LSM14A: variants seen among roughly 807,000 people sequenced by gnomAD.
LSM14A encodes the protein LSM14A mRNA processing body assembly factor.
Under a neutral mutation model 52.4 loss-of-function variants are expected in LSM14A, and 14 were observed. The observed-to-expected ratio is 0.27, with a 90% CI of 0.18 to 0.42. The LOEUF (loss-of-function observed/expected upper bound fraction) is 0.42. LSM14A is among the 10% of genes least tolerant of loss of function. The pLI is 1.00. For missense variants in LSM14A, 417 were observed against 581.8 expected (o/e 0.72, Z 2.91); for synonymous variants, 185 against 200.3 (o/e 0.92, Z 0.64).
At position 34,219,384 on chromosome 19, in the gene LSM14A, A is replaced by T; in HGVS notation, c.782-7A>T. On this transcript the variant is annotated splice_region_variant and splice_polypyrimidine_tract_variant and intron_variant, in intron 6 of 9. Transcript: ENST00000544216. ...ATGTCCTTTGTATATATTCTTTATT[A>T]TCATAGCTCCAGGTGCTCCTTCAGC... is the stretch of plus-strand genomic sequence containing the variant. The T allele has an allele frequency of 6.3e-7, 1 of 1,598,336 alleles. No homozygotes were observed. The highest frequency in any genetic ancestry group is 1.8e-5 in the Admixed American group (1 of 56,346).
intron 8 of LSM14A, 82 bp downstream of exon 8, chr19:34,219,959 G>T (rs1486774748): frequency 1.0e-6 from 1 of 976,564 alleles, no homozygotes; most frequent in Non-Finnish European, 1.6e-6. Flanking sequence ...GAGGTTTAAT[G>T]AATACTACCA....
In LSM14A at chr19:34,228,392, T is replaced by G. The variant is rs938866113; in HGVS notation, c.*1004T>G. 1 of 152,538 alleles carries G rather than the reference T, an allele frequency of 6.6e-6. No individual in the cohort carries two copies. The highest frequency in any genetic ancestry group is 1.5e-5 in the Non-Finnish European group (1 of 68,048). The allele number at this position is 152,538 out of a possible 1,614,324, so 9.4% of individuals were successfully genotyped here. Reference sequence around the variant, plus strand: ...GTACTTAGCTGTATTTTCAAATAAGTAATCTTCCCCCCTTTTGTAGGACTT... The same window carrying G: ...GTACTTAGCTGTATTTTCAAATAAGGAATCTTCCCCCCTTTTGTAGGACTT... On this transcript the variant is annotated 3_prime_UTR_variant, in exon 10 of 10. Transcript: ENST00000544216.
intron 1 of LSM14A, among the ~76,000 whole-genome samples, chr19:34,190,077 AT>A (rs2070245422): frequency 6.6e-6 from 1 of 152,184 alleles, no homozygotes; most frequent in Non-Finnish European, 1.5e-5. Flanking sequence ...TTGTAGTAGA[AT>A]AGTTCCAGTA....
At chr19:34,174,815 A>G (rs566472542) in intron 1 of LSM14A, among the ~76,000 whole-genome samples, 1 of 152,362 alleles carries the variant, frequency 6.6e-6, no homozygotes, top group South Asian at 2.1e-4. Context: ...TTTGTTTTAA[A>G]GTATTGCTTT....
At chr19:34,220,549 T>C (rs145978571) in intron 8 of LSM14A, among the ~76,000 whole-genome samples, 132 of 152,280 alleles carry the variant, frequency 8.7e-4, no homozygotes, top group African/African-American at 3.0e-3. Context: ...TGGCAAATTA[T>C]TGAGAGGTTA....
In LSM14A at chr19:34,172,713, G is replaced by A; in HGVS notation, c.71G>A (p.Gly24Asp). The part of the protein sequence containing the change: ...LISKAEIRYE[G>D]ILYTIDTENS... ...TCCAAGGCGGAGATCCGCTACGAGG[G>A]CATCCTCTACACCATCGACACCGAA... Residue 24 changes from glycine (G) to aspartate (D), a missense_variant, in exon 1 of 10, where the codon GGC (glycine) becomes GAC (aspartate). This residue lies in a region of LSM14A where 60 missense variants were observed against 124.8 expected (regional missense o/e 0.48). Coordinates refer to ENST00000544216, the MANE Select transcript of LSM14A (RefSeq NM_015578.4). 1.3e-6 allele frequency: 2 copies of A among 1,581,754 alleles called. No individual in the cohort carries two copies. Among genetic ancestry groups the A allele is most frequent in the South Asian group, 1.1e-5 (1 of 87,572 alleles).
chr19:34,208,957 A>G lies in LSM14A; in HGVS notation c.444A>G (p.Thr148=), dbSNP rs1385174769. The G allele has an allele frequency of 6.2e-7, 1 of 1,609,290 alleles. No individual in the cohort carries two copies. The highest frequency in any genetic ancestry group is 8.5e-7 in the Non-Finnish European group (1 of 1,177,494). ...GAAGCTCTTTGACATCCTTTGGAAC[A>G]GAAACATCAAACAGTGGTACCTTAC... ...VAGSSLTSFG[T]ETSNSGTLPQ... Residue 148 remains threonine (T), a synonymous_variant, in exon 4 of 10, where the codon ACA becomes ACG. Transcript: ENST00000544216.
At chr19:34,182,681 CAA>C (rs74177115) in intron 1 of LSM14A, among the ~76,000 whole-genome samples, 19 of 108,736 alleles carry the variant, frequency 1.7e-4, no homozygotes, top group Admixed American at 2.9e-4. Context: ...ACTAAAAATA[CAA>C]AAAAAAAAAA....
In LSM14A at chr19:34,172,612, G is replaced by A; in HGVS notation, c.-31G>A. The stretch of plus-strand genomic sequence containing the variant: ...ACAGTGGCGTGGGATCTGCCTCTCT[G>A]CGAGCAGCTGGGAGCGGCGGCGGCG... On this transcript the variant is annotated 5_prime_UTR_variant, in exon 1 of 10. Coordinates refer to ENST00000544216, the MANE Select transcript of LSM14A (RefSeq NM_015578.4). 6.5e-7 allele frequency: 1 copy of A among 1,542,012 alleles called. No individual in the cohort carries two copies. The highest frequency in any genetic ancestry group is 8.7e-7 in the Non-Finnish European group (1 of 1,146,674).
intron 1 of LSM14A, among the ~76,000 whole-genome samples, chr19:34,178,583 T>A (rs972160126): frequency 5.9e-5 from 9 of 152,248 alleles, no homozygotes; most frequent in Admixed American, 1.3e-4. Flanking sequence ...ATGTGTTTAT[T>A]GTCTGTCTTC....
chr19:34,182,475 G>A (rs183038379), intron 1 of LSM14A, among the ~76,000 whole-genome samples: 69 of 151,536 alleles, frequency 4.6e-4, no homozygotes, highest in African/African-American at 1.5e-3. Context: ...GTTTGTTGTT[G>A]TTTGTTTGTT....
chr19:34,182,513 A>T (rs1473551304), intron 1 of LSM14A, among the ~76,000 whole-genome samples: 2 of 150,756 alleles, frequency 1.3e-5, no homozygotes, highest in African/African-American at 4.9e-5. Context: ...TTTTCCTCTG[A>T]GTGTTTCTCT....
intron 1 of LSM14A, among the ~76,000 whole-genome samples, chr19:34,174,166 C>G (rs2068914084): frequency 2.0e-5 from 3 of 152,182 alleles, no homozygotes; most frequent in African/African-American, 7.2e-5. Flanking sequence ...CCAGGCTGGT[C>G]TCGAACTCCT....
chr19:34,188,092 A>C (rs1002832266), intron 1 of LSM14A, among the ~76,000 whole-genome samples: 1 of 151,972 alleles, frequency 6.6e-6, no homozygotes, highest in African/African-American at 2.4e-5. Context: ...TTGGAGACCA[A>C]CCTGGGCAAC....
At chr19:34,221,860 A>T in intron 9 of LSM14A, 122 bp downstream of exon 9, 1 of 1,445,900 alleles carries the variant, frequency 6.9e-7, no homozygotes, top group Non-Finnish European at 9.1e-7. Flanking sequence ...TTCCATTTTG[A>T]CTTTTCAGTA....
chr19:34,173,416 C>T (rs1204723746), intron 1 of LSM14A, among the ~76,000 whole-genome samples: 1 of 152,144 alleles, frequency 6.6e-6, no homozygotes, highest in Admixed American at 6.5e-5. Flanking sequence ...GCTGCTGCCC[C>T]GACGCCCCTG....
At chr19:34,222,491 G>A (rs2073119420) in intron 9 of LSM14A, among the ~76,000 whole-genome samples, 1 of 152,188 alleles carries the variant, frequency 6.6e-6, no homozygotes, top group African/African-American at 2.4e-5. Context: ...TTAGTTTATT[G>A]ATTTTAGAAG....
Position 34,196,723 on chromosome 19 carries a change from G to C in LSM14A, c.375G>C (p.Pro125=). 6.2e-7 allele frequency: 1 copy of C among 1,612,888 alleles called. No homozygotes were observed. Among genetic ancestry groups the C allele is most frequent in the South Asian group, 1.1e-5 (1 of 90,762 alleles). ...TGCCCACATACAGTCAGTTCAGTCC[G>C]AGTTCCTTAGTTGGGCAGCAGTTTG... The part of the protein sequence containing the change: ...GRMPTYSQFS[P]SSLVGQQFGA... The change falls in exon 3 of 10, where the codon CCG becomes CCC. Residue 125 remains proline (P), a synonymous_variant. Coordinates refer to ENST00000544216, the MANE Select transcript of LSM14A (RefSeq NM_015578.4).
At position 34,228,063 on chromosome 19, in the gene LSM14A, T is replaced by C. The variant is rs186503887; in HGVS notation, c.*675T>C. On this transcript the variant is annotated 3_prime_UTR_variant, in exon 10 of 10. Transcript: ENST00000544216. ...GTATAGCTGTATAAAAAGCAACTAA[T>C]TTTTTAAAGAATAAACATTTTAAAG... 7 of 152,762 alleles carry C rather than the reference T, an allele frequency of 4.6e-5. No individual in the cohort carries two copies. Among genetic ancestry groups the C allele is most frequent in the Non-Finnish European group, 5.9e-5 (4 of 68,038 alleles). The allele number at this position is 152,762 out of a possible 1,614,324, so 9.5% of individuals were successfully genotyped here.
Sources: gnomAD v4.1 joint callset for allele counts (sites outside exome capture counted in the v4.1 genomes callset) on GRCh38, gnomAD v4.1.1 for gene constraint, gnomAD v4.1.1 regional missense constraint, MANE v1.5 for transcripts, NCBI Gene and HGNC (gene_info 2026-07-23, HGNC 2026-07-21) for gene names.